Variants in GRIK4 observed in about 807,000 individuals in gnomAD.
The protein encoded by GRIK4 is glutamate receptor ionotropic, kainate 4.
In GRIK4, 40 loss-of-function variants were observed where a neutral mutation model predicts 104.9. The ratio of observed to expected loss-of-function variants is 0.38; its 90% CI spans 0.30 to 0.50. GRIK4 has a LOEUF of 0.50. GRIK4 is among the 20% of genes least tolerant of loss of function. GRIK4 has a pLI of 0.93. For missense variants in GRIK4, 1,047 were observed against 1,308.1 expected, an observed-to-expected ratio of 0.80 and a Z score of 3.08; for synonymous variants, 485 against 524.9, an observed-to-expected ratio of 0.92 and a Z score of 1.04.
intron 1 of GRIK4, among the ~76,000 whole-genome samples, chr11:120,579,403 G>A (rs1948536009): frequency 6.6e-6 from 1 of 152,174 alleles, no homozygotes; most frequent in African/African-American, 2.4e-5. Context: ...GCAAGGTGGG[G>A]ACAGGGTGAG....
chr11:120,733,121 T>C (rs1278501813), intron 3 of GRIK4, among the ~76,000 whole-genome samples: 1 of 152,180 alleles, frequency 6.6e-6, no homozygotes, highest in East Asian at 1.9e-4. Context: ...ACAGATTTTG[T>C]CTTGAAATTT....
intron 3 of GRIK4, among the ~76,000 whole-genome samples, chr11:120,776,433 T>A (rs1336344211): frequency 1.3e-5 from 2 of 152,192 alleles, no homozygotes; most frequent in African/African-American, 2.4e-5. Context: ...ATTGGGAATC[T>A]CTGATTAGTA....
At chr11:120,650,747 T>A (rs1027987350) in intron 1 of GRIK4, among the ~76,000 whole-genome samples, 1 of 152,236 alleles carries the variant, frequency 6.6e-6, no homozygotes, top group Non-Finnish European at 1.5e-5. Flanking sequence ...ATTCACTGAA[T>A]AAAGTATAAA....
intron 3 of GRIK4, among the ~76,000 whole-genome samples, chr11:120,780,959 G>A (rs1286665259): frequency 6.6e-6 from 1 of 152,044 alleles, no homozygotes; most frequent in Non-Finnish European, 1.5e-5. Context: ...AGCCAGGATG[G>A]TCTCGGTCTC....
chr11:120,875,267 A>G, intron 11 of GRIK4, 24 bp downstream of exon 11: 1 of 1,386,858 alleles, frequency 7.2e-7, no homozygotes, highest in Non-Finnish European at 1.0e-6. Context: ...CACCGTGGTG[A>G]TGGCAGGTCC....
chr11:120,838,936 G>C (rs777609610), intron 8 of GRIK4, among the ~76,000 whole-genome samples: 11 of 152,166 alleles, frequency 7.2e-5, no homozygotes, highest in Admixed American at 1.3e-4. Flanking sequence ...ACAGGCACAC[G>C]CCACCATGCC....
Position 120,689,743 on chromosome 11 carries a change from T to C in GRIK4, c.82+29343T>C, listed in dbSNP as rs991156615. Among the ~76,000 whole-genome samples the C allele has an allele frequency of 2.6e-5, 4 of 152,312 alleles. No individual in the cohort carries two copies. In the East Asian group the frequency reaches 5.8e-4, roughly 22 times the overall value. On this transcript the variant is annotated intron_variant, in intron 3 of 20. Coordinates refer to ENST00000527524, the MANE Select transcript of GRIK4 (RefSeq NM_014619.5). ...GTCATTTCTCTTCTGAGTTACCTGATAGTTTCCTCCTCTGTTAAAATAAAT... is the reference window on the plus strand; with the variant it reads ...GTCATTTCTCTTCTGAGTTACCTGACAGTTTCCTCCTCTGTTAAAATAAAT...
intron 4 of GRIK4, among the ~76,000 whole-genome samples, chr11:120,810,291 T>C (rs1341177725): frequency 6.6e-6 from 1 of 152,218 alleles, no homozygotes; most frequent in African/African-American, 2.4e-5. Flanking sequence ...GAATAAGGAA[T>C]TGTGGCCTTC....
At chr11:120,934,022 G>A (rs1285560970) in intron 13 of GRIK4, among the ~76,000 whole-genome samples, 1 of 152,054 alleles carries the variant, frequency 6.6e-6, no homozygotes, top group Non-Finnish European at 1.5e-5. Flanking sequence ...GGCTAACACA[G>A]TGAAACCCCA....
chr11:120,845,944 G>A (rs559663561), intron 8 of GRIK4, among the ~76,000 whole-genome samples: 1 of 152,346 alleles, frequency 6.6e-6, no homozygotes, highest in African/African-American at 2.4e-5. Flanking sequence ...CAAACCCTGA[G>A]AGGTGGCAGG....
chr11:120,706,340 C>T (rs1406625039), intron 3 of GRIK4, among the ~76,000 whole-genome samples: 1 of 152,228 alleles, frequency 6.6e-6, no homozygotes, highest in African/African-American at 2.4e-5. Flanking sequence ...CTTCTGGACT[C>T]CTGGCTGATC....
At chr11:120,638,924 C>T (rs550765626) in intron 1 of GRIK4, among the ~76,000 whole-genome samples, 313 of 152,124 alleles carry the variant, frequency 2.1e-3, no homozygotes, top group African/African-American at 7.2e-3. Flanking sequence ...AATAATCCCA[C>T]GCCTGATCAT....
At chr11:120,741,137 C>A (rs188514111) in intron 3 of GRIK4, among the ~76,000 whole-genome samples, 2 of 152,098 alleles carry the variant, frequency 1.3e-5, no homozygotes, top group Admixed American at 1.3e-4. Flanking sequence ...TCTTTCTGAG[C>A]CCCTGCATGC....
intron 3 of GRIK4, among the ~76,000 whole-genome samples, chr11:120,725,877 A>G (rs908581502): frequency 2.6e-5 from 4 of 152,216 alleles, no homozygotes; most frequent in Admixed American, 2.6e-4. Flanking sequence ...ATCCTTTTCC[A>G]CAAAGAGAAT....
intron 3 of GRIK4, among the ~76,000 whole-genome samples, chr11:120,754,022 C>G (rs544186068): frequency 6.6e-6 from 1 of 152,064 alleles, no homozygotes; most frequent in Non-Finnish European, 1.5e-5. Flanking sequence ...TTTAGATTTG[C>G]GGATTTTGGA....
intron 1 of GRIK4, among the ~76,000 whole-genome samples, chr11:120,636,982 C>T (rs149996100): frequency 6.6e-6 from 1 of 152,230 alleles, no homozygotes; most frequent in Non-Finnish European, 1.5e-5. Flanking sequence ...CAGTGATAAG[C>T]TGGTGCAAAA....
At chr11:120,645,229 C>T (rs150346726) in intron 1 of GRIK4, among the ~76,000 whole-genome samples, 1,767 of 152,266 alleles carry the variant, frequency 0.012, 10 homozygotes, top group Non-Finnish European at 0.019. Context: ...CTCCTCTGAC[C>T]GTGCCTTGGC....
At chr11:120,682,006 G>A (rs1950200271) in intron 3 of GRIK4, among the ~76,000 whole-genome samples, 1 of 152,108 alleles carries the variant, frequency 6.6e-6, no homozygotes, top group Admixed American at 6.5e-5. Context: ...AATATCACTG[G>A]GCAATAAAAC....
chr11:120,726,548 T>G (rs1234856411), intron 3 of GRIK4, among the ~76,000 whole-genome samples: 4 of 152,216 alleles, frequency 2.6e-5, no homozygotes, highest in Non-Finnish European at 4.4e-5. Context: ...ACATGATTAA[T>G]TTTGGAATGT....
Sources: gnomAD v4.1 joint callset for allele counts (sites outside exome capture counted in the v4.1 genomes callset) on GRCh38, gnomAD v4.1.1 for gene constraint, MANE v1.5 for transcripts, NCBI Gene and HGNC (gene_info 2026-07-23, HGNC 2026-07-21) for gene names.